The following GARNL3 variants were observed in gnomAD, a reference collection of about 807,000 sequenced individuals.
GARNL3 encodes GTPase-activating Rap/Ran-GAP domain-like protein 3.
Under a neutral mutation model 125.0 loss-of-function variants are expected in GARNL3, and 63 were observed. That is an observed-to-expected ratio of 0.50 (90% CI 0.41 to 0.62). The LOEUF is 0.62. Ranked by LOEUF, GARNL3 falls within the 20% of genes least tolerant of loss-of-function variation. The pLI, the probability that GARNL3 is intolerant of heterozygous loss-of-function variation, is 0.00. For synonymous variants in GARNL3, 439 were observed against 457.5 expected (o/e 0.96, Z 0.52); for missense variants, 994 against 1,244.0 (o/e 0.80, Z 3.02).
At chr9:127,300,345 C>G (rs563819199) in intron 2 of GARNL3, 2 of 246,806 alleles carry the variant, frequency 8.1e-6, no homozygotes, top group South Asian at 9.4e-5. Context: ...GTAACCTTTT[C>G]TGGTATGGCC....
intron 4 of GARNL3, among the ~76,000 whole-genome samples, chr9:127,314,642 T>TA (rs535133080): frequency 2.7e-3 from 406 of 149,682 alleles, no homozygotes; most frequent in African/African-American, 9.3e-3. Flanking sequence ...TCAATGTCCA[T>TA]ATCTTCTTCC....
In GARNL3 at chr9:127,310,327, A is replaced by C. The variant is rs548488037; in HGVS notation, c.220-1309A>C. ...TATGTGGCCAAAAATACCATAGAAC[A>C]AGTTTAAAAGCAAAAATTTGATCAG... On this transcript the variant is annotated intron_variant, in intron 2 of 27. Transcript: ENST00000373387. Among the ~76,000 whole-genome samples, 5 of 152,354 alleles carry C rather than the reference A, an allele frequency of 3.3e-5. No individual in the cohort carries two copies. The South Asian group carries it at 8.3e-4, about 25-fold the overall frequency.
chr9:127,324,146 G>A (rs2065490783), intron 6 of GARNL3, among the ~76,000 whole-genome samples: 1 of 152,122 alleles, frequency 6.6e-6, no homozygotes, highest in Non-Finnish European at 1.5e-5. Context: ...AGCTACTTGG[G>A]AAGCTGAGGT....
Position 127,384,159 on chromosome 9 carries a change from C to T in GARNL3, c.2269+614C>T, listed in dbSNP as rs1832419052. Among the ~76,000 whole-genome samples the T allele has an allele frequency of 6.6e-6, 1 of 152,160 alleles. No individual in the cohort carries two copies. The highest frequency in any genetic ancestry group is 6.5e-5 in the Admixed American group (1 of 15,270). ...CATTTTGAGAGGAAGGCAGAGGGAC[C>T]AACCTAAGATCCTGGGAGGACCAGT... On this transcript the variant is annotated intron_variant, in intron 23 of 27. Coordinates refer to ENST00000373387, the MANE Select transcript of GARNL3 (RefSeq NM_032293.5). This position sits in a 1 kb window ranked among gnomAD's most constrained non-coding sequence, Gnocchi z 4.0.
At chr9:127,272,283 G>C (rs1009300171) in intron 1 of GARNL3, among the ~76,000 whole-genome samples, 1 of 149,638 alleles carries the variant, frequency 6.7e-6, no homozygotes, top group Non-Finnish European at 1.5e-5. Context: ...GTTAAGTAGG[G>C]TTTTTACTTT....
At chr9:127,338,416 A>G (rs983144736) in intron 12 of GARNL3, among the ~76,000 whole-genome samples, 1 of 152,172 alleles carries the variant, frequency 6.6e-6, no homozygotes, top group Non-Finnish European at 1.5e-5. Flanking sequence ...CAGGTTTGAT[A>G]TATTTGATCT....
Position 127,383,538 on chromosome 9 carries a change from T to G in GARNL3, c.2262T>G (p.Tyr754Ter). Residue 754 changes from tyrosine to a stop codon, truncating the protein, a stop_gained, in exon 23 of 28, where the codon TAT becomes TAG. Transcript: ENST00000373387. LOFTEE classifies it high-confidence loss of function. ...DFQFCWNQAP[Y>*]AIVCAFPYLL... ...AGTTCTGTTGGAACCAGGCTCCCTATGCAATTGGTAAGAAAAGTCTTTATC... is the reference window on the plus strand; with the variant it reads ...AGTTCTGTTGGAACCAGGCTCCCTAGGCAATTGGTAAGAAAAGTCTTTATC... The G allele has an allele frequency of 6.2e-7, 1 of 1,607,396 alleles. No individual in the cohort carries two copies. Among genetic ancestry groups the G allele is most frequent in the South Asian group, 1.1e-5 (1 of 90,066 alleles).
chr9:127,389,638 A>T (rs953582684), intron 26 of GARNL3, among the ~76,000 whole-genome samples: 2 of 152,164 alleles, frequency 1.3e-5, no homozygotes, highest in African/African-American at 4.8e-5. Flanking sequence ...TCTCAGTATA[A>T]CTATGGGACT....
intron 8 of GARNL3, 112 bp from the exon 9 acceptor site, chr9:127,332,911 C>T: frequency 1.3e-6 from 1 of 766,960 alleles, no homozygotes; most frequent in Non-Finnish European, 2.4e-6. Context: ...ATGCTGTTTA[C>T]CATGCATGAA....
intron 9 of GARNL3, among the ~76,000 whole-genome samples, chr9:127,334,713 C>T (rs141430183): frequency 2.0e-5 from 3 of 152,284 alleles, no homozygotes; most frequent in Non-Finnish European, 2.9e-5. Context: ...GAGTTAGATA[C>T]GACTTTTATC....
intron 20 of GARNL3, 52 bp downstream of exon 20, chr9:127,355,524 G>T: frequency 6.4e-7 from 1 of 1,550,616 alleles, no homozygotes; most frequent in South Asian, 1.1e-5. Context: ...TCTTGAAGCA[G>T]ACTCTGTCCT....
intron 2 of GARNL3, among the ~76,000 whole-genome samples, chr9:127,243,990 AC>A (rs2131174594): frequency 6.6e-6 from 1 of 152,352 alleles, no homozygotes; most frequent in East Asian, 1.9e-4. Context: ...ATTCAATGCA[AC>A]AAATATTTGT....
intron 26 of GARNL3, 110 bp downstream of exon 26, chr9:127,389,229 T>A: frequency 1.3e-6 from 1 of 767,386 alleles, no homozygotes; most frequent in Non-Finnish European, 2.1e-6. Flanking sequence ...AGTTTCCTTT[T>A]AAGAAGGGAT....
intron 22 of GARNL3, among the ~76,000 whole-genome samples, chr9:127,383,143 G>T (rs538551294): frequency 1.3e-5 from 2 of 152,178 alleles, no homozygotes; most frequent in Non-Finnish European, 2.9e-5. Flanking sequence ...TGTAATAATG[G>T]TATCTACTTT....
chr9:127,315,895 G>GCA (rs1312887683), intron 4 of GARNL3, among the ~76,000 whole-genome samples: 2 of 152,116 alleles, frequency 1.3e-5, no homozygotes, highest in Non-Finnish European at 2.9e-5. Context: ...ACACACACCT[G>GCA]CACACACACA....
chr9:127,228,934 C>T (rs928242916), intron 1 of GARNL3, among the ~76,000 whole-genome samples: 3 of 152,162 alleles, frequency 2.0e-5, no homozygotes, highest in Non-Finnish European at 4.4e-5. Context: ...AGCAATTCTT[C>T]TGCCTCAGCC....
chr9:127,225,290 C>G, intron 1 of GARNL3: 1 of 968,220 alleles, frequency 1.0e-6, no homozygotes, highest in Non-Finnish European at 1.2e-6. Flanking sequence ...TGCGCCCGAG[C>G]CCGCGGCCCC....
At chr9:127,330,490 T>C (rs1457430971) in intron 7 of GARNL3, among the ~76,000 whole-genome samples, 1 of 151,954 alleles carries the variant, frequency 6.6e-6, no homozygotes, top group East Asian at 1.9e-4. Flanking sequence ...ATGTCATGAA[T>C]ATTTATTAAT....
At chr9:127,360,477 A>T (rs1179697318) in intron 21 of GARNL3, among the ~76,000 whole-genome samples, 1 of 152,148 alleles carries the variant, frequency 6.6e-6, no homozygotes, top group African/African-American at 2.4e-5. Flanking sequence ...AGTCAGATGC[A>T]CTCACTCATC....
Sources: gnomAD v4.1 joint callset for allele counts (sites outside exome capture counted in the v4.1 genomes callset) on GRCh38, gnomAD v4.1.1 for gene constraint, Gnocchi (gnomAD v3.1) non-coding constraint, MANE v1.5 for transcripts, NCBI Gene and HGNC (gene_info 2026-07-23, HGNC 2026-07-21) for gene names.